The following ITGAM variants were observed in gnomAD, a reference collection of about 807,000 sequenced individuals.
The protein encoded by ITGAM is integrin subunit alpha M.
Under a neutral mutation model 137.5 loss-of-function variants are expected in ITGAM, and 79 were observed. The ratio of observed to expected loss-of-function variants is 0.57; its 90% CI spans 0.48 to 0.69. The LOEUF is 0.69. Ranked by LOEUF, ITGAM falls within the 30% of genes least tolerant of loss-of-function variation. The pLI, the probability that ITGAM is intolerant of heterozygous loss-of-function variation, is 0.00. For missense variants in ITGAM, 1,343 were observed against 1,483.5 expected (o/e 0.91, Z 1.56); for synonymous variants, 583 against 592.3 (o/e 0.98, Z 0.23).
chr16:31,311,453 C>A (rs1032480201), intron 14 of ITGAM, among the ~76,000 whole-genome samples: 1 of 152,118 alleles, frequency 6.6e-6, no homozygotes, highest in Non-Finnish European at 1.5e-5. Context: ...AAACAAACAA[C>A]CCCATCAAAA....
chr16:31,328,899 C>CAT, intron 23 of ITGAM: 1 of 431,912 alleles, frequency 2.3e-6, no homozygotes, highest in Non-Finnish European at 4.2e-6. Flanking sequence ...TGTATTCGTG[C>CAT]ATGTGTGTGT....
At chr16:31,277,573 G>C (rs1164408993) in intron 11 of ITGAM, among the ~76,000 whole-genome samples, 1 of 152,014 alleles carries the variant, frequency 6.6e-6, no homozygotes, top group Admixed American at 6.6e-5. Flanking sequence ...GGTCAGGCTG[G>C]TCGCGAACTC....
At chr16:31,307,273 C>A (rs1258911589) in intron 14 of ITGAM, among the ~76,000 whole-genome samples, 1 of 152,132 alleles carries the variant, frequency 6.6e-6, no homozygotes, top group African/African-American at 2.4e-5. Flanking sequence ...TTCTTCCTAC[C>A]CACGAGCATG....
intron 12 of ITGAM, among the ~76,000 whole-genome samples, chr16:31,291,010 C>T (rs924466793): frequency 2.6e-4 from 39 of 152,026 alleles, no homozygotes; most frequent in African/African-American, 6.0e-4. Context: ...ATAAATCAAA[C>T]GAATCATGTA....
chr16:31,324,889 T>G lies in ITGAM; in HGVS notation c.2290-69T>G. ...TCTAATTTTACTTCAACATTTGATT[T>G]TATTGTTTAATTTCACAATACTTGG... On this transcript the variant is annotated intron_variant, in intron 18 of 29. Transcript: ENST00000544665. The surrounding 1 kb of genome is among the most constrained non-coding windows in gnomAD (Gnocchi z 4.5). 2 of 1,549,724 alleles carry G rather than the reference T, an allele frequency of 1.3e-6. No individual in the cohort carries two copies.
intron 14 of ITGAM, among the ~76,000 whole-genome samples, chr16:31,317,119 G>A (rs2080401053): frequency 1.3e-5 from 2 of 152,030 alleles, no homozygotes. Context: ...CTCTGGCTAG[G>A]ACTTTCAGTA....
At chr16:31,328,046 G>T (rs1173927502) in intron 22 of ITGAM, 101 bp from the exon 23 acceptor site, 2 of 895,602 alleles carry the variant, frequency 2.2e-6, no homozygotes, top group Admixed American at 1.7e-5. Flanking sequence ...AGAGATAACA[G>T]AACTTGGTGG....
Position 31,297,619 on chromosome 16 carries a change from G to C in ITGAM, c.1462G>C (p.Gly488Arg), listed in dbSNP as rs751010204. The C allele has an allele frequency of 1.9e-6, 3 of 1,613,408 alleles. No homozygotes were observed. The South Asian group carries it at 3.3e-5, about 18-fold the overall frequency. ...GAPHYYEQTRGGQVSVCPLPR... is the reference protein window; with the variant it reads ...GAPHYYEQTRRGQVSVCPLPR... ...CCCCCATTACTACGAGCAGACCCGAGGGGGCCAGGTGTCCGTGTGCCCCTT... is the reference window on the plus strand; with the variant it reads ...CCCCCATTACTACGAGCAGACCCGACGGGGCCAGGTGTCCGTGTGCCCCTT... The change falls in exon 13 of 30, where the codon GGG (glycine) becomes CGG (arginine). Residue 488 changes from glycine (G) to arginine (R), a missense_variant. Physicochemically the swap from Gly to Arg is moderately radical, Grantham distance 125. Transcript: ENST00000544665.
chr16:31,273,485 A>C lies in ITGAM; in HGVS notation c.825A>C (p.Ala275=). The part of the protein sequence containing the change: ...PLGYEDVIPE[A]DREGVIRYVI... ...GATATGAGGATGTCATCCCTGAGGCAGACAGAGAGGGAGTCATTCGCTACG... is the reference window on the plus strand; with the variant it reads ...GATATGAGGATGTCATCCCTGAGGCCGACAGAGAGGGAGTCATTCGCTACG... The change falls in exon 8 of 30, where the codon GCA becomes GCC. Residue 275 remains alanine, a synonymous_variant. Coordinates refer to ENST00000544665, the MANE Select transcript of ITGAM (RefSeq NM_000632.4). 6.2e-7 allele frequency: 1 copy of C among 1,613,818 alleles called. No homozygotes were observed. The highest frequency in any genetic ancestry group is 8.5e-7 in the Non-Finnish European group (1 of 1,179,742).
chr16:31,279,953 A>G (rs1197296557), intron 12 of ITGAM, among the ~76,000 whole-genome samples: 1 of 152,176 alleles, frequency 6.6e-6, no homozygotes, highest in Admixed American at 6.5e-5. Context: ...AGCTTTCTAC[A>G]TATGGCTAGC....
At chr16:31,266,843 A>T (rs1402133579) in intron 5 of ITGAM, among the ~76,000 whole-genome samples, 2 of 150,300 alleles carry the variant, frequency 1.3e-5, no homozygotes, top group Admixed American at 1.3e-4. Context: ...GTTGATTGAG[A>T]TTCTGAGTGA....
intron 16 of ITGAM, among the ~76,000 whole-genome samples, chr16:31,322,937 G>C (rs1057511049): frequency 2.0e-5 from 3 of 151,702 alleles, no homozygotes; most frequent in African/African-American, 7.3e-5. Flanking sequence ...GCGATAAAAA[G>C]AAAGAAAAAT....
At position 31,324,626 on chromosome 16, in the gene ITGAM, T is replaced by C; in HGVS notation, c.2158-25T>C. On this transcript the variant is annotated intron_variant, in intron 17 of 29. Transcript: ENST00000544665. The surrounding 1 kb of genome is among the most constrained non-coding windows in gnomAD (Gnocchi z 4.5). ...GGCTTGGGGAGCTGAGGAGGGCAGA[T>C]CCCCAAATCCCGGCTATCTCTTAGA... 1 of 1,606,680 alleles carries C rather than the reference T, an allele frequency of 6.2e-7. No individual in the cohort carries two copies. The highest frequency in any genetic ancestry group is 8.5e-7 in the Non-Finnish European group (1 of 1,175,628).
intron 8 of ITGAM, among the ~76,000 whole-genome samples, chr16:31,274,285 C>T (rs983332736): frequency 3.3e-5 from 5 of 152,172 alleles, no homozygotes; most frequent in Admixed American, 1.3e-4. Context: ...AAACATTCCA[C>T]AGCAAACAAA....
At chr16:31,307,276 C>T (rs372944154) in intron 14 of ITGAM, among the ~76,000 whole-genome samples, 7,650 of 152,102 alleles carry the variant, frequency 0.05, 279 homozygotes, top group Non-Finnish European at 0.08. Context: ...TTCCTACCCA[C>T]GAGCATGGAA....
chr16:31,279,759 A>G (rs978960847), intron 12 of ITGAM, among the ~76,000 whole-genome samples: 1 of 152,152 alleles, frequency 6.6e-6, no homozygotes, highest in Non-Finnish European at 1.5e-5. Context: ...CCCATTTGTC[A>G]ATATTGGCTT....
At chr16:31,263,950 C>G (rs1230750662) in intron 2 of ITGAM, among the ~76,000 whole-genome samples, 1 of 151,744 alleles carries the variant, frequency 6.6e-6, no homozygotes, top group Non-Finnish European at 1.5e-5. Flanking sequence ...ATTCTCCTGC[C>G]TCAGCCTCCC....
intron 12 of ITGAM, among the ~76,000 whole-genome samples, chr16:31,281,791 A>G (rs1476869267): frequency 9.2e-5 from 14 of 152,032 alleles, no homozygotes; most frequent in Non-Finnish European, 5.9e-5. Flanking sequence ...TTGCTTCTCT[A>G]GTTCTTTTAA....
intron 5 of ITGAM, among the ~76,000 whole-genome samples, chr16:31,269,383 G>A (rs1445584677): frequency 6.6e-6 from 1 of 152,094 alleles, no homozygotes; most frequent in Non-Finnish European, 1.5e-5. Flanking sequence ...CTAGTCCCCA[G>A]GTAAGAAGGA....
Sources: allele counts gnomAD v4.1 joint callset (sites outside exome capture counted in the v4.1 genomes callset), GRCh38; gene constraint gnomAD v4.1.1; non-coding constraint Gnocchi (gnomAD v3.1); transcripts MANE v1.5; gene names NCBI Gene and HGNC (gene_info 2026-07-23, HGNC 2026-07-21).